Variants in BSN observed in about 807,000 individuals in gnomAD.
The protein encoded by BSN is protein bassoon.
In BSN, 57 loss-of-function variants were observed where a neutral mutation model predicts 264.8. That is an observed-to-expected ratio of 0.22 (90% CI 0.17 to 0.27). The LOEUF (loss-of-function observed/expected upper bound fraction) is 0.27, where lower values mean the gene tolerates loss of function less well. BSN is among the 10% of genes least tolerant of loss of function. BSN has a pLI of 1.00. For missense variants in BSN, 4,615 were observed against 5,232.5 expected (o/e 0.88, Z 3.64); for synonymous variants, 2,059 against 2,137.3 (o/e 0.96, Z 1.01).
At chr3:49,582,539 G>C (rs1575428770) in intron 1 of BSN, among the ~76,000 whole-genome samples, 1 of 152,120 alleles carries the variant, frequency 6.6e-6, no homozygotes, top group East Asian at 1.9e-4. Flanking sequence ...ACTTTTTTGT[G>C]GCCTGTTTAG....
chr3:49,616,363 A>G (rs1203241888), intron 1 of BSN, among the ~76,000 whole-genome samples: 1 of 152,062 alleles, frequency 6.6e-6, no homozygotes, highest in African/African-American at 2.4e-5. Flanking sequence ...CTGCCCTGGG[A>G]CTCAAAGGAG....
intron 1 of BSN, among the ~76,000 whole-genome samples, chr3:49,577,260 T>A (rs2051852082): frequency 6.6e-6 from 1 of 152,202 alleles, no homozygotes; most frequent in Non-Finnish European, 1.5e-5. Context: ...AATTTTGAAT[T>A]TCTAGGCAAT....
rs373537793 is a variant in BSN, at chr3:49,652,372, C to T, written c.2816C>T (p.Thr939Met). The change falls in exon 5 of 12, where the codon ACG (threonine) becomes ATG (methionine). Residue 939 changes from threonine to methionine, a missense_variant. By Grantham distance (81) the Thr-to-Met change is moderately conservative. This residue lies in a region of BSN where 1,197 missense variants were observed against 1,348.0 expected (regional missense o/e 0.89). Coordinates refer to ENST00000296452, the MANE Select transcript of BSN (RefSeq NM_003458.4). ...RRFKTIELNS[T>M]GSYGHELDLG... ...TTCAAGACCATTGAGCTCAACAGCA[C>T]GGGAAGTTATGGTCATGAGTTGGAC... The T allele has an allele frequency of 1.4e-5, 22 of 1,607,282 alleles. No individual in the cohort carries two copies. Among genetic ancestry groups the T allele is most frequent in the Middle Eastern group, 1.7e-4 (1 of 6,040 alleles).
At position 49,560,493 on chromosome 3, in the gene BSN, A is replaced by G. The variant is rs374826684; in HGVS notation, c.224+5667A>G. Reference sequence around the variant, plus strand: ...GACTTTACTTACTGCCTGGGGACTGACTTTTTAAATGGTAAAATGGTGGCT... The same window carrying G: ...GACTTTACTTACTGCCTGGGGACTGGCTTTTTAAATGGTAAAATGGTGGCT... On this transcript the variant is annotated intron_variant, in intron 1 of 11. Coordinates refer to ENST00000296452, the MANE Select transcript of BSN (RefSeq NM_003458.4). Among the ~76,000 whole-genome samples, 17 of 152,306 alleles carry G rather than the reference A, an allele frequency of 1.1e-4. No individual in the cohort carries two copies. The East Asian group carries it at 2.3e-3, about 21-fold the overall frequency.
At chr3:49,557,575 G>GTTT (rs765139121) in intron 1 of BSN, among the ~76,000 whole-genome samples, 15 of 132,458 alleles carry the variant, frequency 1.1e-4, no homozygotes, top group African/African-American at 1.4e-4. Context: ...GCACCTGTCA[G>GTTT]TTTTTTTTTT....
At chr3:49,599,468 G>A (rs73074869) in intron 1 of BSN, among the ~76,000 whole-genome samples, 1,566 of 152,224 alleles carry the variant, frequency 0.01, 18 homozygotes, top group Non-Finnish European at 0.017. Context: ...GGAAGAAAGG[G>A]GACCCCATCT....
intron 1 of BSN, among the ~76,000 whole-genome samples, chr3:49,582,655 T>C (rs1034797060): frequency 6.6e-5 from 10 of 152,218 alleles, no homozygotes; most frequent in Non-Finnish European, 1.0e-4. Context: ...CCAATAGCTC[T>C]GACTAGGACT....
rs763660120 is a variant in BSN, at chr3:49,657,404, C to T, written c.7848C>T (p.Asp2616=). 5.0e-5 allele frequency: 80 copies of T among 1,613,072 alleles called. No individual in the cohort carries two copies. The highest frequency in any genetic ancestry group is 6.3e-5 in the Non-Finnish European group (74 of 1,180,018). ...CTGACTGCAGTGTGCAGACGGACGA[C>T]GAAGACAGTGCTGAGTGGGAGCAGC... ...RSADCSVQTD[D]EDSAEWEQPV... is the part of the protein sequence containing the mutation. Residue 2616 remains aspartate, a synonymous_variant, in exon 5 of 12, where the codon GAC becomes GAT. Coordinates refer to ENST00000296452, the MANE Select transcript of BSN (RefSeq NM_003458.4).
intron 1 of BSN, among the ~76,000 whole-genome samples, chr3:49,611,529 C>T (rs1396927894): frequency 2.6e-5 from 4 of 152,108 alleles, no homozygotes; most frequent in African/African-American, 4.8e-5. Context: ...TCCCAGAAGA[C>T]GAGGTTGGGA....
chr3:49,651,169 C>T lies in BSN; in HGVS notation c.1986+90C>T, dbSNP rs1422890075. 7.5e-7 allele frequency: 1 copy of T among 1,328,960 alleles called. No individual in the cohort carries two copies. Among genetic ancestry groups the T allele is most frequent in the Non-Finnish European group, 1.0e-6 (1 of 987,598 alleles). 82.3% of individuals were successfully genotyped at this position (1,328,960 alleles called of 1,614,324 possible). On this transcript the variant is annotated intron_variant, in intron 4 of 11. Transcript: ENST00000296452. The surrounding 1 kb of genome is among the most constrained non-coding windows in gnomAD (Gnocchi z 5.4). Reference sequence around the variant, plus strand: ...CTCCCTGGGTGGCTGAGGCTGTAGGCTCAGGACAGGTGCCTTGGGGCCACA... The same window carrying T: ...CTCCCTGGGTGGCTGAGGCTGTAGGTTCAGGACAGGTGCCTTGGGGCCACA...
chr3:49,658,224 G>A, intron 5 of BSN, 28 bp downstream of exon 5: 3 of 1,507,946 alleles, frequency 2.0e-6, no homozygotes, highest in East Asian at 2.3e-5. Context: ...GTTCCAGGGT[G>A]GGACAGGGGT....
chr3:49,625,199 G>A lies in BSN; in HGVS notation c.449G>A (p.Ser150Asn). 6.4e-7 allele frequency: 1 copy of A among 1,557,362 alleles called. No individual in the cohort carries two copies. The highest frequency in any genetic ancestry group is 8.7e-7 in the Non-Finnish European group (1 of 1,150,246). The change falls in exon 2 of 12, where the codon AGC (serine) becomes AAC (asparagine). Residue 150 changes from serine (S) to asparagine (N), a missense_variant. Around this residue, in one of 3 missense-constraint regions of BSN, gnomAD observed 1,197 missense variants for 1,348.0 expected, o/e 0.89. Transcript: ENST00000296452. The surrounding 1 kb of genome is among the most constrained non-coding windows in gnomAD (Gnocchi z 4.4). Reference sequence around the variant, plus strand: ...CCCTCAGTGTCACCGGACAGAGGCAGCACCCCCACATCACCCTACTCCGTC... The same window carrying A: ...CCCTCAGTGTCACCGGACAGAGGCAACACCCCCACATCACCCTACTCCGTC... ...RSPSVSPDRG[S>N]TPTSPYSVPQ...
At chr3:49,563,692 T>G (rs2051732540) in intron 1 of BSN, among the ~76,000 whole-genome samples, 1 of 152,244 alleles carries the variant, frequency 6.6e-6, no homozygotes. Context: ...TTGGCTTCAG[T>G]AGGTTATATG....
intron 1 of BSN, among the ~76,000 whole-genome samples, chr3:49,584,944 C>T (rs1249558406): frequency 6.6e-6 from 1 of 152,158 alleles, no homozygotes; most frequent in Non-Finnish European, 1.5e-5. Flanking sequence ...CTAGTTCTGG[C>T]CGTATTGTTG....
intron 1 of BSN, among the ~76,000 whole-genome samples, chr3:49,560,698 T>C (rs1217971908): frequency 3.3e-5 from 5 of 152,114 alleles, no homozygotes; most frequent in Non-Finnish European, 7.4e-5. Context: ...CCGAGCTCCT[T>C]TTCTGGAGGG....
At chr3:49,645,945 G>C (rs2108075458) in intron 3 of BSN, among the ~76,000 whole-genome samples, 1 of 152,260 alleles carries the variant, frequency 6.6e-6, no homozygotes, top group African/African-American at 2.4e-5. Context: ...CACAAAGAAG[G>C]GACAGACCCG....
intron 3 of BSN, among the ~76,000 whole-genome samples, chr3:49,645,048 A>G (rs1366212710): frequency 2.0e-5 from 3 of 151,974 alleles, no homozygotes; most frequent in African/African-American, 4.8e-5. Flanking sequence ...TGTTCCCCCC[A>G]TCACACCTCT....
At position 49,658,151 on chromosome 3, in the gene BSN, A is replaced by G. The variant is rs1015844538; in HGVS notation, c.8595A>G (p.Lys2865=). ...GCCCCACCGCCGAAGAGTCTGCCAA[A>G]GAGAGATTCTCCCTCTACCAGCACC... is the stretch of plus-strand genomic sequence containing the variant. ...PLSPTAEESA[K]ERFSLYQHQG... Residue 2865 remains lysine (K), a synonymous_variant, in exon 5 of 12, where the codon AAA becomes AAG. Transcript: ENST00000296452. The G allele has an allele frequency of 6.3e-7, 1 of 1,598,446 alleles. No homozygotes were observed. Among genetic ancestry groups the G allele is most frequent in the Non-Finnish European group, 8.5e-7 (1 of 1,169,864 alleles).
chr3:49,563,904 C>T (rs1406981286), intron 1 of BSN, among the ~76,000 whole-genome samples: 1 of 152,168 alleles, frequency 6.6e-6, no homozygotes, highest in Non-Finnish European at 1.5e-5. Flanking sequence ...TTTCCTTACA[C>T]CTCCTATCTG....
Sources: gnomAD v4.1 joint callset for allele counts (sites outside exome capture counted in the v4.1 genomes callset) on GRCh38, gnomAD v4.1.1 for gene constraint, gnomAD v4.1.1 regional missense constraint, Gnocchi (gnomAD v3.1) non-coding constraint, MANE v1.5 for transcripts, NCBI Gene and HGNC (gene_info 2026-07-23, HGNC 2026-07-21) for gene names.